PFKM: variants seen among roughly 807,000 people sequenced by gnomAD.
The protein encoded by PFKM is phosphofructokinase, muscle.
In PFKM, 58 loss-of-function variants were observed where a neutral mutation model predicts 95.5. That is an observed-to-expected ratio of 0.61 (90% CI 0.49 to 0.76). The LOEUF (loss-of-function observed/expected upper bound fraction) is 0.76. Among genes scored for constraint, PFKM ranks in the 30% least tolerant of loss-of-function variants. The pLI is 0.00. For missense variants in PFKM, 678 were observed against 1,005.4 expected, an observed-to-expected ratio of 0.67 and a Z score of 4.40; for synonymous variants, 336 against 357.2, an observed-to-expected ratio of 0.94 and a Z score of 0.67.
chr12:48,127,210 C>T, intron 2 of PFKM, among the ~76,000 whole-genome samples: 1 of 151,912 alleles, frequency 6.6e-6, no homozygotes, highest in Non-Finnish European at 1.5e-5. Context: ...GTATTTCTTG[C>T]TGCCCCTTAT....
In PFKM at chr12:48,140,991, C is replaced by G; in HGVS notation, c.1341+120C>G. The stretch of plus-strand genomic sequence containing the variant: ...CTACCTCTCTCTCCTCTCTCAGGGT[C>G]CAGGCAGAAGTAGATATTTAATACT... On this transcript the variant is annotated intron_variant, in intron 14 of 22. Coordinates refer to ENST00000359794, the MANE Select transcript of PFKM (RefSeq NM_000289.6). 3 of 1,074,250 alleles carry G rather than the reference C, an allele frequency of 2.8e-6. No homozygotes were observed. In the East Asian group the frequency reaches 7.1e-5, roughly 26 times the overall value. The allele number at this position is 1,074,250 out of a possible 1,614,324, so 66.5% of individuals were successfully genotyped here.
At chr12:48,140,617 TC>T (rs1401793115) in intron 13 of PFKM, 104 bp from the exon 14 acceptor site, 1 of 1,083,144 alleles carries the variant, frequency 9.2e-7, no homozygotes, top group African/African-American at 1.5e-5. Context: ...GATATCCTGA[TC>T]CCTGGATGAC....
intron 6 of PFKM, 83 bp downstream of exon 6, chr12:48,133,563 C>T: frequency 6.2e-6 from 8 of 1,295,886 alleles, no homozygotes; most frequent in Middle Eastern, 2.0e-4. Context: ...AAGACTAAAG[C>T]GTTTGAGCTA....
chr12:48,117,735 G>A (rs906822912), upstream of PFKM, among the ~76,000 whole-genome samples: 5 of 152,132 alleles, frequency 3.3e-5, no homozygotes, highest in East Asian at 1.9e-4. Flanking sequence ...AGCCAAATAC[G>A]AGTGACCAAT....
chr12:48,141,925 G>A lies in PFKM; in HGVS notation c.1512G>A (p.Gly504=). ...VIIGGFEAYT[G]GLELMEGRKQ... ...TCTCTTCTTCTTAGGCTTACACAGG[G>A]GGCCTGGAACTGATGGAGGGCAGGA... Residue 504 remains glycine, a synonymous_variant, in exon 17 of 23, where the codon GGG becomes GGA. Coordinates refer to ENST00000359794, the MANE Select transcript of PFKM (RefSeq NM_000289.6). 6.2e-7 allele frequency: 1 copy of A among 1,614,014 alleles called. No individual in the cohort carries two copies. Among genetic ancestry groups the A allele is most frequent in the Non-Finnish European group, 8.5e-7 (1 of 1,180,002 alleles).
chr12:48,119,819 A>C (rs1400590270), intron 1 of PFKM: 1 of 152,216 alleles, frequency 6.6e-6, no homozygotes, highest in Non-Finnish European at 1.5e-5. Flanking sequence ...CGTGCGTGTC[A>C]TTGTGGGTCT....
intron 17 of PFKM, 180 bp downstream of exon 17, chr12:48,142,246 G>A (rs1304688337): frequency 1.3e-5 from 9 of 684,944 alleles, no homozygotes; most frequent in Non-Finnish European, 2.3e-5. Flanking sequence ...GCCAAGGCAG[G>A]CAGATCACTT....
chr12:48,146,068 T>C lies in PFKM; in HGVS notation c.*360T>C, dbSNP rs1951020601. 3.5e-6 allele frequency: 1 copy of C among 283,144 alleles called. No homozygotes were observed. The highest frequency in any genetic ancestry group is 2.2e-5 in the African/African-American group (1 of 45,752). 17.5% of individuals were successfully genotyped at this position (283,144 alleles called of 1,614,324 possible). ...CTACTACTTTTACTACAGTGACAAA[T>C]TGTAACTACACTAATAAATGCCAAC... On this transcript the variant is annotated 3_prime_UTR_variant, in exon 23 of 23. Coordinates refer to ENST00000359794, the MANE Select transcript of PFKM (RefSeq NM_000289.6).
At position 48,123,661 on chromosome 12, in the gene PFKM, G is replaced by C. The variant is rs148473994; in HGVS notation, c.85+802G>C. 8.0e-3 allele frequency among the ~76,000 whole-genome samples: 1,223 copies of C among 152,318 alleles called. 6 individuals are homozygous for C. Among genetic ancestry groups the C allele is most frequent in the Non-Finnish European group, 0.011 (780 of 68,028 alleles). On this transcript the variant is annotated intron_variant, in intron 2 of 22. Transcript: ENST00000359794. ...GAGAGAAGGAAAGCGATTTCAGCTA[G>C]GCTCCCCTCCTCTGCACCACTGTTC...
intron 5 of PFKM, 54 bp downstream of exon 5, chr12:48,133,111 G>A: frequency 6.6e-7 from 1 of 1,514,026 alleles, no homozygotes; most frequent in East Asian, 2.2e-5. Flanking sequence ...GTGCACGCGT[G>A]TACACACACA....
chr12:48,144,539 G>A (rs1347575185), intron 20 of PFKM, among the ~76,000 whole-genome samples: 1 of 152,050 alleles, frequency 6.6e-6, no homozygotes, highest in Non-Finnish European at 1.5e-5. Flanking sequence ...ACTCCCAATT[G>A]TAACAAAAAT....
chr12:48,121,301 CA>C (rs1313687160), intron 1 of PFKM, among the ~76,000 whole-genome samples: 1 of 152,182 alleles, frequency 6.6e-6, no homozygotes, highest in African/African-American at 2.4e-5. Flanking sequence ...GTTCAGGTGA[CA>C]ATGGAGCAGA....
chr12:48,144,968 C>G, intron 20 of PFKM, 63 bp from the exon 21 acceptor site: 1 of 1,149,582 alleles, frequency 8.7e-7, no homozygotes, highest in African/African-American at 1.5e-5. Context: ...CTCTGTGTGT[C>G]TAGATATCTC....
rs1164826329 is a variant in PFKM at position 48,145,202 on chromosome 12, C to T, written c.2093-8C>T. Reference sequence around the variant, plus strand: ...GTATAGAAGCTGACTGCCCATCCCTCATTGCAGGGCGGATCTTTGCCAATA... The same window carrying T: ...GTATAGAAGCTGACTGCCCATCCCTTATTGCAGGGCGGATCTTTGCCAATA... On this transcript the variant is annotated splice_polypyrimidine_tract_variant and splice_region_variant and intron_variant, in intron 21 of 22. Transcript: ENST00000359794. The surrounding 1 kb of genome is among the most constrained non-coding windows in gnomAD (Gnocchi z 4.3). The T allele has an allele frequency of 5.0e-6, 8 of 1,613,548 alleles. No homozygotes were observed. In the South Asian group the frequency reaches 8.8e-5, roughly 18 times the overall value.
intron 3 of PFKM, among the ~76,000 whole-genome samples, chr12:48,110,971 G>A (rs778263522): frequency 4.8e-4 from 73 of 152,304 alleles, no homozygotes; most frequent in South Asian, 1.9e-3. Context: ...TTCAAAGAAA[G>A]GTGGTTAGCA....
At chr12:48,116,445 T>C (rs186034069), upstream of PFKM, among the ~76,000 whole-genome samples, 1 of 152,280 alleles carries the variant, frequency 6.6e-6, no homozygotes, top group East Asian at 1.9e-4. Context: ...ATATATCATT[T>C]TTAGAGAACT....
intron 1 of PFKM, chr12:48,106,245 GA>G: frequency 1.6e-6 from 1 of 623,894 alleles, no homozygotes; most frequent in Admixed American, 2.6e-5. Context: ...GAGCATTTAA[GA>G]CTAGTCGTAA....
At chr12:48,105,803 G>C (rs922814199), upstream of PFKM, 1 of 588,918 alleles carries the variant, frequency 1.7e-6, no homozygotes, top group African/African-American at 1.9e-5. Flanking sequence ...CAGAAGGAAC[G>C]GCCTCAGGTA....
In PFKM at chr12:48,142,821, C is replaced by T. The variant is rs1565910626; in HGVS notation, c.1693C>T (p.Arg565Cys). The change falls in exon 18 of 23, where the codon CGT becomes TGT. Residue 565 changes from arginine (R) to cysteine (C), a missense_variant. Physicochemically the swap from Arg to Cys is radical, Grantham distance 180. Transcript: ENST00000359794. ...CAAGCAGTCAGCAGCTGGCACCAAGCGTCGGGTGTTTATCATTGAGACTAT... is the reference window on the plus strand; with the variant it reads ...CAAGCAGTCAGCAGCTGGCACCAAGTGTCGGGTGTTTATCATTGAGACTAT... The part of the protein sequence containing the change: ...RIKQSAAGTK[R>C]RVFIIETMGG... 1 of 1,614,064 alleles carries T rather than the reference C, an allele frequency of 6.2e-7. No homozygotes were observed. Among genetic ancestry groups the T allele is most frequent in the Non-Finnish European group, 8.5e-7 (1 of 1,179,958 alleles).
Sources: gnomAD v4.1 joint callset for allele counts (sites outside exome capture counted in the v4.1 genomes callset) on GRCh38, gnomAD v4.1.1 for gene constraint, Gnocchi (gnomAD v3.1) non-coding constraint, MANE v1.5 for transcripts, NCBI Gene and HGNC (gene_info 2026-07-23, HGNC 2026-07-21) for gene names.